KCTD5: variants seen among roughly 807,000 people sequenced by gnomAD.
The protein encoded by KCTD5 is BTB/POZ domain-containing protein KCTD5.
A neutral mutation model predicts 27.9 loss-of-function variants in KCTD5; 12 were observed. That is an observed-to-expected ratio of 0.43 (90% confidence interval 0.28 to 0.70). The LOEUF is 0.70. Among genes scored for constraint, KCTD5 ranks in the 30% least tolerant of loss-of-function variants. KCTD5 has a pLI of 0.19. For missense variants in KCTD5, 226 were observed against 274.8 expected (o/e 0.82, Z 1.26); for synonymous variants, 147 against 121.4 (o/e 1.21, Z -1.39).
chr16:2,706,666 T>G (rs1364462699), intron 5 of KCTD5, among the ~76,000 whole-genome samples: 26 of 117,060 alleles, frequency 2.2e-4, no homozygotes, highest in Middle Eastern at 3.9e-3. Flanking sequence ...GATTGGAGGG[T>G]GGGGAGGGCA....
rs192024975 is a variant in KCTD5 at position 2,703,990 on chromosome 16, T to G, written c.675+1512T>G. On this transcript the variant is annotated intron_variant, in intron 5 of 5. Coordinates refer to ENST00000301738, the MANE Select transcript of KCTD5 (RefSeq NM_018992.4). ...GGTTTTATTTTTAGAAGTTTTTTATTTCTGAGCTGAGTTTTTATAACCAAG... is the reference window on the plus strand; with the variant it reads ...GGTTTTATTTTTAGAAGTTTTTTATGTCTGAGCTGAGTTTTTATAACCAAG... Among the ~76,000 whole-genome samples the G allele has an allele frequency of 1.5e-3, 223 of 152,348 alleles. 3 individuals carry two copies. The highest frequency in any genetic ancestry group is 5.2e-3 in the African/African-American group (215 of 41,576).
At chr16:2,687,624 G>C (rs1470035935) in intron 1 of KCTD5, among the ~76,000 whole-genome samples, 5 of 152,242 alleles carry the variant, frequency 3.3e-5, no homozygotes, top group Admixed American at 3.3e-4. Flanking sequence ...GCCTCGCCAG[G>C]GCTGTGGCCG....
At chr16:2,689,327 AAC>A (rs1877822249) in intron 1 of KCTD5, among the ~76,000 whole-genome samples, 3 of 29,878 alleles carry the variant, frequency 1.0e-4, no homozygotes, top group African/African-American at 3.4e-4. Context: ...GCGAAATTGA[AAC>A]AGAGTCACTT....
At chr16:2,693,299 G>A (rs997488192) in intron 1 of KCTD5, among the ~76,000 whole-genome samples, 4 of 152,224 alleles carry the variant, frequency 2.6e-5, no homozygotes, top group Non-Finnish European at 5.9e-5. Flanking sequence ...CAGGTATCAC[G>A]TGATGGCAGC....
intron 1 of KCTD5, among the ~76,000 whole-genome samples, chr16:2,686,976 C>G (rs1396115155): frequency 5.9e-5 from 9 of 152,330 alleles, no homozygotes; most frequent in Admixed American, 1.3e-4. Context: ...CGCTGATGGA[C>G]TTTGTTTCAC....
chr16:2,691,131 C>T (rs1030209636), intron 1 of KCTD5, among the ~76,000 whole-genome samples: 11 of 152,180 alleles, frequency 7.2e-5, no homozygotes, highest in African/African-American at 9.7e-5. Context: ...CAGCGAGACC[C>T]GAACCCTGGT....
At position 2,682,571 on chromosome 16, in the gene KCTD5, T is replaced by C. The variant is rs773619021; in HGVS notation, c.23T>C (p.Leu8Pro). Residue 8 changes from leucine (L) to proline (P), a missense_variant, in exon 1 of 6, where the codon CTC (leucine) becomes CCC (proline). Transcript: ENST00000301738. ...ATCATGGCGGAGAATCACTGCGAGC[T>C]CCTGTCGCCGGCCCGGGGCGGCATC... is the stretch of plus-strand genomic sequence containing the variant. MAENHCE[L>P]LSPARGGIGA... The C allele has an allele frequency of 2.1e-6, 3 of 1,414,460 alleles. No individual in the cohort carries two copies. The highest frequency in any genetic ancestry group is 1.8e-5 in the South Asian group (1 of 54,662). 87.6% of individuals were successfully genotyped at this position (1,414,460 alleles called of 1,614,324 possible). A position where few individuals can be genotyped will look rare whatever the true frequency, so the allele number is the denominator to read the frequency against.
chr16:2,692,782 G>A (rs574992374), intron 1 of KCTD5, among the ~76,000 whole-genome samples: 6 of 152,334 alleles, frequency 3.9e-5, no homozygotes, highest in Admixed American at 1.3e-4. Flanking sequence ...GCCTGGGCTC[G>A]GCCCCAACTT....
At position 2,708,488 on chromosome 16, in the gene KCTD5, G is replaced by A. The variant is rs1428595855; in HGVS notation, c.*1161G>A. The A allele has an allele frequency of 5.3e-5, 8 of 152,376 alleles. No homozygotes were observed. Among genetic ancestry groups the A allele is most frequent in the Non-Finnish European group, 1.0e-4 (7 of 68,068 alleles). 9.4% of individuals were successfully genotyped at this position (152,376 alleles called of 1,614,324 possible). A position where few individuals can be genotyped will look rare whatever the true frequency, so the allele number is the denominator to read the frequency against. On this transcript the variant is annotated 3_prime_UTR_variant, in exon 6 of 6. Transcript: ENST00000301738. ...TCGGCGTGCAGGGCGGGCTCCAAGC[G>A]CTTTGCTTCCGGAACTCCGGCTTCC... is the stretch of plus-strand genomic sequence containing the variant.
Position 2,697,961 on chromosome 16 carries a change from G to C in KCTD5, c.417G>C (p.Lys139Asn). 1.2e-6 allele frequency: 2 copies of C among 1,612,478 alleles called. No homozygotes were observed. The highest frequency in any genetic ancestry group is 1.7e-6 in the Non-Finnish European group (2 of 1,178,686). Residue 139 changes from lysine to asparagine, a missense_variant, in exon 3 of 6, where the codon AAG becomes AAC. Around this residue, in one of 2 missense-constraint regions of KCTD5, gnomAD observed 135 missense variants for 207.0 expected, o/e 0.65. Transcript: ENST00000301738. ...YNITSLIKLV[K>N]DKIRERDSKT... ...TCACCTCATTAATAAAACTTGTAAAGGACAAAATTAGAGAACGAGACAGCA... is the reference window on the plus strand; with the variant it reads ...TCACCTCATTAATAAAACTTGTAAACGACAAAATTAGAGAACGAGACAGCA...
chr16:2,698,380 C>T (rs778358299), intron 3 of KCTD5, among the ~76,000 whole-genome samples: 30 of 152,228 alleles, frequency 2.0e-4, no homozygotes, highest in Non-Finnish European at 3.2e-4. Flanking sequence ...TGGAGGGAGA[C>T]AGCAGATGGG....
intron 4 of KCTD5, among the ~76,000 whole-genome samples, chr16:2,700,877 G>T (rs759380420): frequency 1.3e-5 from 2 of 151,324 alleles, no homozygotes; most frequent in Admixed American, 1.3e-4. Flanking sequence ...GCCGGGGGCC[G>T]GGGTGACTCT....
chr16:2,701,833 T>C (rs1158347206), intron 4 of KCTD5, among the ~76,000 whole-genome samples: 1 of 152,208 alleles, frequency 6.6e-6, no homozygotes, highest in Non-Finnish European at 1.5e-5. Flanking sequence ...TGGACCTGCA[T>C]TGGCCTGGCC....
intron 4 of KCTD5, among the ~76,000 whole-genome samples, 166 bp from the exon 5 acceptor site, chr16:2,702,187 G>A (rs889626053): frequency 3.9e-5 from 6 of 152,226 alleles, no homozygotes; most frequent in African/African-American, 1.4e-4. Context: ...CGCCCCGTGT[G>A]CTCGTGCAGG....
Position 2,707,452 on chromosome 16 carries a change from G to A in KCTD5, c.*125G>A. The A allele has an allele frequency of 9.6e-7, 1 of 1,037,222 alleles. No homozygotes were observed. Among genetic ancestry groups the A allele is most frequent in the Non-Finnish European group, 1.5e-6 (1 of 664,306 alleles). The allele number at this position is 1,037,222 out of a possible 1,614,324, so 64.3% of individuals were successfully genotyped here. ...TGATCATTTTTCTAGAGATCTGGGTGTGAATCCTTTTTTGCCTCTGAGGTG... is the reference window on the plus strand; with the variant it reads ...TGATCATTTTTCTAGAGATCTGGGTATGAATCCTTTTTTGCCTCTGAGGTG... On this transcript the variant is annotated 3_prime_UTR_variant, in exon 6 of 6. Coordinates refer to ENST00000301738, the MANE Select transcript of KCTD5 (RefSeq NM_018992.4).
chr16:2,704,532 A>C (rs2067626445), intron 5 of KCTD5, among the ~76,000 whole-genome samples: 1 of 152,234 alleles, frequency 6.6e-6, no homozygotes, highest in South Asian at 2.1e-4. Flanking sequence ...CGCAGAGCTC[A>C]CTGAGAGCGC....
In KCTD5 at chr16:2,702,362, A is replaced by G. The variant is rs2067615971; in HGVS notation, c.559A>G (p.Ile187Val). ...CTATGTCTCCTTGCAGTTGGTCAGC[A>G]TCGGCTCCTCTTACAACTATGGGAA... ...DGWKFEQLVSIGSSYNYGNED... is the reference protein window; with the variant it reads ...DGWKFEQLVSVGSSYNYGNED... Residue 187 changes from isoleucine to valine, a missense_variant, in exon 5 of 6, where the codon ATC becomes GTC. Ile to Val is a conservative substitution (Grantham distance 29). Coordinates refer to ENST00000301738, the MANE Select transcript of KCTD5 (RefSeq NM_018992.4). 6.2e-7 allele frequency: 1 copy of G among 1,613,380 alleles called. No individual in the cohort carries two copies. The highest frequency in any genetic ancestry group is 1.3e-5 in the African/African-American group (1 of 74,906).
intron 1 of KCTD5, among the ~76,000 whole-genome samples, chr16:2,690,829 C>T (rs1465187285): frequency 2.6e-5 from 4 of 152,264 alleles, no homozygotes; most frequent in African/African-American, 7.2e-5. Flanking sequence ...GACCTTGCTG[C>T]CTTTGTCTCC....
intron 4 of KCTD5, among the ~76,000 whole-genome samples, chr16:2,701,366 G>T (rs2067611338): frequency 6.6e-6 from 1 of 152,224 alleles, no homozygotes; most frequent in Non-Finnish European, 1.5e-5. Context: ...GACCCTGCGG[G>T]GTGCTGGGAG....
Sources: gnomAD v4.1 joint callset for allele counts (sites outside exome capture counted in the v4.1 genomes callset) on GRCh38, gnomAD v4.1.1 for gene constraint, gnomAD v4.1.1 regional missense constraint, MANE v1.5 for transcripts, NCBI Gene and HGNC (gene_info 2026-07-23, HGNC 2026-07-21) for gene names.